HFM1: variants seen among roughly 807,000 people sequenced by gnomAD.
The protein encoded by HFM1 is probable ATP-dependent DNA helicase HFM1.
Under a neutral mutation model 192.1 loss-of-function variants are expected in HFM1, and 169 were observed. That is an observed-to-expected ratio of 0.88 (90% CI 0.78 to 1.00). The LOEUF (loss-of-function observed/expected upper bound fraction) is 1.00, where lower values mean the gene tolerates loss of function less well. Among genes scored for constraint, HFM1 ranks in the 50% least tolerant of loss-of-function variants. The pLI, the probability that HFM1 is intolerant of heterozygous loss-of-function variation, is 0.00. For missense variants in HFM1, 1,661 were observed against 1,668.0 expected (o/e 1.00, Z 0.07); for synonymous variants, 525 against 537.8 (o/e 0.98, Z 0.33).
intron 11 of HFM1, among the ~76,000 whole-genome samples, chr1:91,377,155 T>G (rs1225473731): frequency 6.6e-6 from 1 of 151,894 alleles, no homozygotes; most frequent in Non-Finnish European, 1.5e-5. Context: ...AGTATGTACA[T>G]TATGCTTCCT....
chr1:91,394,370 T>C lies in HFM1; in HGVS notation c.217A>G (p.Asn73Asp), dbSNP rs572935716. The change falls in exon 4 of 39, where the codon AAT becomes GAT. Residue 73 changes from asparagine to aspartate, a missense_variant. Transcript: ENST00000370425. Reference protein sequence around the residue: ...QEKRPKMLTSNLKITNEDTNY... With the variant: ...QEKRPKMLTSDLKITNEDTNY... ...GTATCTTCATTAGTTATCTTTAAATTTGATGTTAACATTTTTGGCCTCTTT... is the reference window on the plus strand; with the variant it reads ...GTATCTTCATTAGTTATCTTTAAATCTGATGTTAACATTTTTGGCCTCTTT... 9.6e-6 allele frequency: 15 copies of C among 1,554,662 alleles called. No homozygotes were observed. In the East Asian group the frequency reaches 2.7e-4, roughly 28 times the overall value.
intron 20 of HFM1, chr1:91,339,035 A>C (rs903129173): frequency 2.2e-6 from 1 of 455,490 alleles, no homozygotes; most frequent in Non-Finnish European, 4.4e-6. Context: ...AATCATCCAG[A>C]AACAAAGCCA....
chr1:91,345,285 G>T (rs1366836712), intron 19 of HFM1, among the ~76,000 whole-genome samples: 1 of 152,034 alleles, frequency 6.6e-6, no homozygotes, highest in Non-Finnish European at 1.5e-5. Context: ...CAAAAATAAG[G>T]AACAAAGTGT....
chr1:91,338,714 C>A (rs1654930549), intron 20 of HFM1, among the ~76,000 whole-genome samples: 2 of 152,116 alleles, frequency 1.3e-5, no homozygotes, highest in Non-Finnish European at 2.9e-5. Flanking sequence ...GTGGCCCCAC[C>A]AGTGCACCAC....
chr1:91,352,536 T>C lies in HFM1; in HGVS notation c.1947A>G (p.Leu649=), dbSNP rs2101739516. The C allele has an allele frequency of 6.2e-7, 1 of 1,607,700 alleles. No individual in the cohort carries two copies. The highest frequency in any genetic ancestry group is 8.5e-7 in the Non-Finnish European group (1 of 1,176,826). Residue 649 remains leucine, a synonymous_variant, in exon 16 of 39, where the codon CTA becomes CTG. Coordinates refer to ENST00000370425, the MANE Select transcript of HFM1 (RefSeq NM_001017975.6). ...LFEEYSETDI[L]QMIGRAGRPQ... ...GTCGACCAGCTCTACCAATCATCTG[T>C]AGAATATCTGTTTCACTGTACTCTT...
Position 91,319,151 on chromosome 1 carries a change from C to G in HFM1, c.2739G>C (p.Leu913Phe), listed in dbSNP as rs1651695111. ...EKKFAVLLNS[L>F]ILAKCFRCKL... ...TACACCTAAAACATTTAGCTAAAATCAAACTATTCAATAGTACAGCAAACT... is the reference window on the plus strand; with the variant it reads ...TACACCTAAAACATTTAGCTAAAATGAAACTATTCAATAGTACAGCAAACT... The change falls in exon 25 of 39, where the codon TTG becomes TTC. Residue 913 changes from leucine to phenylalanine, a missense_variant. By Grantham distance (22) the Leu-to-Phe change is conservative. Coordinates refer to ENST00000370425, the MANE Select transcript of HFM1 (RefSeq NM_001017975.6). The G allele has an allele frequency of 1.2e-5, 20 of 1,610,408 alleles. No homozygotes were observed. The South Asian group carries it at 1.9e-4, about 15-fold the overall frequency.
intron 18 of HFM1, among the ~76,000 whole-genome samples, chr1:91,347,688 G>A (rs551749452): frequency 1.8e-4 from 27 of 152,220 alleles, no homozygotes; most frequent in African/African-American, 6.3e-4. Flanking sequence ...ATTTCCAAAT[G>A]TTTTATACAT....
At chr1:91,359,680 C>T (rs1029727420) in intron 13 of HFM1, among the ~76,000 whole-genome samples, 5 of 151,974 alleles carry the variant, frequency 3.3e-5, no homozygotes, top group Admixed American at 1.3e-4. Context: ...AGAACAAAAC[C>T]ACACTGGAAA....
chr1:91,369,807 T>C (rs1659912329), intron 13 of HFM1, among the ~76,000 whole-genome samples: 1 of 151,974 alleles, frequency 6.6e-6, no homozygotes, highest in Non-Finnish European at 1.5e-5. Context: ...CAGGAACTGG[T>C]TTTTTGAGAA....
intron 8 of HFM1, 105 bp from the exon 9 acceptor site, chr1:91,379,319 T>A (rs1158541857): frequency 1.5e-5 from 12 of 788,826 alleles, no homozygotes; most frequent in Non-Finnish European, 2.5e-5. Context: ...ATCTACATAC[T>A]CCTAATATTG....
intron 30 of HFM1, among the ~76,000 whole-genome samples, chr1:91,308,506 C>A (rs1463980116): frequency 1.3e-5 from 2 of 152,160 alleles, no homozygotes; most frequent in Non-Finnish European, 2.9e-5. Context: ...TCTATATTTT[C>A]TTTAAAATAT....
At chr1:91,372,603 G>C (rs1660378370) in intron 13 of HFM1, among the ~76,000 whole-genome samples, 1 of 152,112 alleles carries the variant, frequency 6.6e-6, no homozygotes, top group Non-Finnish European at 1.5e-5. Flanking sequence ...GGGTGAATGG[G>C]GAGGGATAGC....
intron 27 of HFM1, 56 bp from the exon 28 acceptor site, chr1:91,316,028 A>G: frequency 6.8e-7 from 1 of 1,471,142 alleles, no homozygotes; most frequent in Non-Finnish European, 9.4e-7. Context: ...TCTCATACTC[A>G]GCTGAAGCCT....
intron 30 of HFM1, among the ~76,000 whole-genome samples, chr1:91,293,146 A>G (rs1239038409): frequency 6.6e-6 from 1 of 152,216 alleles, no homozygotes; most frequent in Admixed American, 6.5e-5. Flanking sequence ...GGCATGGGCA[A>G]GGGCTTCATG....
intron 30 of HFM1, among the ~76,000 whole-genome samples, chr1:91,289,668 C>T (rs1030198697): frequency 1.8e-4 from 28 of 152,168 alleles, no homozygotes; most frequent in African/African-American, 3.1e-4. Flanking sequence ...GAGACCAGCC[C>T]GGCCAACACA....
intron 29 of HFM1, 105 bp downstream of exon 29, chr1:91,313,852 G>T: frequency 1.8e-6 from 1 of 569,076 alleles, no homozygotes; most frequent in South Asian, 3.3e-5. Context: ...TATTATTTTT[G>T]CATAATACCA....
intron 17 of HFM1, among the ~76,000 whole-genome samples, chr1:91,351,136 A>G (rs149246509): frequency 3.0e-4 from 45 of 152,136 alleles, no homozygotes; most frequent in African/African-American, 1.1e-3. Context: ...TTTCTCCAAA[A>G]GAGAATACAT....
At chr1:91,362,861 G>A (rs1658702338) in intron 13 of HFM1, among the ~76,000 whole-genome samples, 1 of 152,066 alleles carries the variant, frequency 6.6e-6, no homozygotes, top group South Asian at 2.1e-4. Flanking sequence ...AGAGAACCCA[G>A]AAATAAGACG....
chr1:91,317,243 C>T (rs1570928371), intron 25 of HFM1, among the ~76,000 whole-genome samples: 3 of 152,186 alleles, frequency 2.0e-5, no homozygotes, highest in Admixed American at 1.3e-4. Context: ...GGAGAAACCC[C>T]GTCTCTACTA....
Sources: gnomAD v4.1 joint callset for allele counts (sites outside exome capture counted in the v4.1 genomes callset) on GRCh38, gnomAD v4.1.1 for gene constraint, MANE v1.5 for transcripts, NCBI Gene and HGNC (gene_info 2026-07-23, HGNC 2026-07-21) for gene names.